Variants in KCNH5 observed in about 807,000 individuals in gnomAD.
KCNH5 encodes voltage-gated delayed rectifier potassium channel KCNH5.
A neutral mutation model predicts 96.1 loss-of-function variants in KCNH5; 46 were observed. The ratio of observed to expected loss-of-function variants is 0.48; its 90% CI spans 0.38 to 0.61. The LOEUF is 0.61. KCNH5 is among the 20% of genes least tolerant of loss of function. KCNH5 has a pLI of 0.00. For synonymous variants in KCNH5, 439 were observed against 449.8 expected (o/e 0.98, Z 0.30); for missense variants, 907 against 1,225.8 (o/e 0.74, Z 3.88).
At chr14:62,821,514 T>C (rs1887113301) in intron 8 of KCNH5, among the ~76,000 whole-genome samples, 1 of 152,136 alleles carries the variant, frequency 6.6e-6, no homozygotes, top group African/African-American at 2.4e-5. Context: ...CATCAAACTA[T>C]CATCTTTTTG....
At chr14:62,799,724 T>TATATATATATATATATATATAC (rs1886616558) in intron 9 of KCNH5, among the ~76,000 whole-genome samples, 1 of 104,368 alleles carries the variant, frequency 9.6e-6, no homozygotes, top group Non-Finnish European at 1.9e-5. Flanking sequence ...TATATATATA[T>TATATATATATATATATATATAC]ATACACACAC....
intron 10 of KCNH5, among the ~76,000 whole-genome samples, chr14:62,774,004 T>A (rs1240578148): frequency 1.3e-5 from 2 of 152,142 alleles, no homozygotes; most frequent in African/African-American, 4.8e-5. Flanking sequence ...TACCCTCAAG[T>A]CCATACCAAG....
intron 7 of KCNH5, among the ~76,000 whole-genome samples, chr14:62,851,861 G>C (rs974397405): frequency 6.6e-6 from 1 of 151,956 alleles, no homozygotes; most frequent in Non-Finnish European, 1.5e-5. Context: ...CTGCCTTCTA[G>C]TTTAACAAAT....
intron 8 of KCNH5, among the ~76,000 whole-genome samples, chr14:62,824,269 A>G (rs921053974): frequency 1.3e-5 from 2 of 152,084 alleles, no homozygotes; most frequent in Non-Finnish European, 1.5e-5. Context: ...CCACAGAGAC[A>G]TGAGCAAGAG....
At chr14:62,967,700 C>T (rs1278093596) in intron 6 of KCNH5, among the ~76,000 whole-genome samples, 2 of 152,010 alleles carry the variant, frequency 1.3e-5, no homozygotes, top group Non-Finnish European at 2.9e-5. Flanking sequence ...AGCAGAGTAA[C>T]AAAACTATGA....
At chr14:62,874,182 G>A (rs1409944721) in intron 7 of KCNH5, among the ~76,000 whole-genome samples, 1 of 151,978 alleles carries the variant, frequency 6.6e-6, no homozygotes, top group Admixed American at 6.6e-5. Context: ...AACTTCACAA[G>A]GAAACTCATA....
intron 5 of KCNH5, among the ~76,000 whole-genome samples, chr14:62,983,562 G>A (rs1231900284): frequency 6.6e-6 from 1 of 151,966 alleles, no homozygotes; most frequent in Non-Finnish European, 1.5e-5. Flanking sequence ...AGTGTTGTGG[G>A]GCCCTGGACA....
chr14:62,876,252 C>T (rs189702823), intron 7 of KCNH5, among the ~76,000 whole-genome samples: 102 of 152,252 alleles, frequency 6.7e-4, no homozygotes, highest in African/African-American at 2.4e-3. Context: ...TAGTTGATAA[C>T]ATATTTAATA....
At chr14:62,911,601 T>A (rs1214365649) in intron 7 of KCNH5, among the ~76,000 whole-genome samples, 7 of 151,978 alleles carry the variant, frequency 4.6e-5, no homozygotes, top group Non-Finnish European at 7.4e-5. Context: ...GATTCAGAAA[T>A]AGACAACTTG....
chr14:62,707,925 C>A lies in KCNH5; in HGVS notation c.2550G>T (p.Glu850Asp). Residue 850 changes from glutamate to aspartate, a missense_variant, in exon 11 of 11, where the codon GAG becomes GAT. Glu to Asp is a conservative substitution (Grantham distance 45). Around this residue, in one of 6 missense-constraint regions of KCNH5, gnomAD observed 362 missense variants for 394.4 expected, o/e 0.92. Coordinates refer to ENST00000322893, the MANE Select transcript of KCNH5 (RefSeq NM_139318.5). ...TTAGTGGGTTTTTGGTCACACTGTTCTCTGAATCACTGCTCTTGGGGTCCT... is the reference window on the plus strand; with the variant it reads ...TTAGTGGGTTTTTGGTCACACTGTTATCTGAATCACTGCTCTTGGGGTCCT... ...LSEDPKSSDS[E>D]NSVTKNPLRK... 2 of 1,614,170 alleles carry A rather than the reference C, an allele frequency of 1.2e-6. No homozygotes were observed. Among genetic ancestry groups the A allele is most frequent in the Non-Finnish European group, 1.7e-6 (2 of 1,180,024 alleles).
chr14:62,981,639 T>A (rs1176393175), intron 5 of KCNH5, among the ~76,000 whole-genome samples: 1 of 152,214 alleles, frequency 6.6e-6, no homozygotes, highest in Non-Finnish European at 1.5e-5. Context: ...TTCATACACA[T>A]TTAGCACCTC....
chr14:62,835,879 C>T (rs545220208), intron 8 of KCNH5, among the ~76,000 whole-genome samples: 13 of 151,670 alleles, frequency 8.6e-5, no homozygotes, highest in Admixed American at 3.3e-4. Context: ...TCAAAAAAAA[C>T]GAAATAAATG....
At chr14:62,840,562 T>TTTTCTTTTC (rs1566678109) in intron 8 of KCNH5, among the ~76,000 whole-genome samples, 19 of 131,454 alleles carry the variant, frequency 1.4e-4, no homozygotes, top group African/African-American at 5.4e-4. Flanking sequence ...TTTTTCTTTT[T>TTTTCTTTTC]TTTCTTTTTT....
At chr14:62,758,171 G>C (rs1016646016) in intron 10 of KCNH5, among the ~76,000 whole-genome samples, 1 of 151,118 alleles carries the variant, frequency 6.6e-6, no homozygotes. Flanking sequence ...GTTACAAATA[G>C]TTAATATGAC....
Position 63,033,845 on chromosome 14 carries a change from T to C in KCNH5, c.73+11269A>G, listed in dbSNP as rs141267063. 2.8e-4 allele frequency among the ~76,000 whole-genome samples: 43 copies of C among 152,270 alleles called. No individual in the cohort carries two copies. In the East Asian group the frequency reaches 8.3e-3, roughly 29 times the overall value. The stretch of plus-strand genomic sequence containing the variant: ...AAAAAAAGGAGGGGGTGGGTGTTGC[T>C]AAGCAGATATTCCCCCGCTTTGAAT... On this transcript the variant is annotated intron_variant, in intron 1 of 10. Coordinates refer to ENST00000322893, the MANE Select transcript of KCNH5 (RefSeq NM_139318.5).
chr14:62,783,179 C>T (rs1002503447), intron 9 of KCNH5, among the ~76,000 whole-genome samples: 3 of 151,928 alleles, frequency 2.0e-5, no homozygotes, highest in Non-Finnish European at 4.4e-5. Context: ...TTTTATGTAC[C>T]CCATCTCCCC....
rs554085714 is a variant in KCNH5, at chr14:62,881,679, T to C, written c.1370-31827A>G. 2.0e-5 allele frequency among the ~76,000 whole-genome samples: 3 copies of C among 152,156 alleles called. No homozygotes were observed. In the South Asian group the frequency reaches 6.2e-4, roughly 32 times the overall value. The stretch of plus-strand genomic sequence containing the variant: ...TTATCACTATGCACATTACTAGTCA[T>C]GGGTACCATTTAACAAGCATTTTGT... On this transcript the variant is annotated intron_variant, in intron 7 of 10. Transcript: ENST00000322893.
chr14:62,771,779 A>G (rs1885992779), intron 10 of KCNH5, among the ~76,000 whole-genome samples: 1 of 152,152 alleles, frequency 6.6e-6, no homozygotes, highest in Non-Finnish European at 1.5e-5. Flanking sequence ...CTCCATGACA[A>G]TAGTAAAGGT....
intron 6 of KCNH5, among the ~76,000 whole-genome samples, chr14:62,973,331 T>C (rs894106251): frequency 2.6e-4 from 40 of 152,186 alleles, no homozygotes; most frequent in Admixed American, 1.9e-3. Context: ...GGTAGCGCTA[T>C]GGTTTGATTG....
Sources: gnomAD v4.1 joint callset for allele counts (sites outside exome capture counted in the v4.1 genomes callset) on GRCh38, gnomAD v4.1.1 for gene constraint, gnomAD v4.1.1 regional missense constraint, MANE v1.5 for transcripts, NCBI Gene and HGNC (gene_info 2026-07-23, HGNC 2026-07-21) for gene names.